VDAC1: variants seen among roughly 807,000 people sequenced by gnomAD.
VDAC1 encodes voltage dependent anion channel 1, also known as non-selective voltage-gated ion channel VDAC1.
A neutral mutation model predicts 34.7 loss-of-function variants in VDAC1; 10 were observed. The observed-to-expected ratio is 0.29, with a 90% CI of 0.18 to 0.49. The LOEUF is 0.49. Ranked by LOEUF, VDAC1 falls within the 20% of genes least tolerant of loss-of-function variation. The pLI is 0.99. For missense variants in VDAC1, 230 were observed against 347.9 expected, an observed-to-expected ratio of 0.66 and a Z score of 2.69; for synonymous variants, 130 against 136.0, an observed-to-expected ratio of 0.96 and a Z score of 0.30.
the VDAC1 span, among the ~76,000 whole-genome samples, chr5:134,041,474 C>A: frequency 1.3e-5 from 2 of 152,194 alleles, no homozygotes; most frequent in South Asian, 2.1e-4. Flanking sequence ...GGCCAACGTC[C>A]TAGCAGAATA....
At chr5:134,036,644 A>C in the VDAC1 span, among the ~76,000 whole-genome samples, 143 of 143,410 alleles carry the variant, frequency 1.0e-3, no homozygotes, top group East Asian at 0.014. Context: ...TGACAGAGCA[A>C]GACACTGTCT....
intron 1 of VDAC1, among the ~76,000 whole-genome samples, chr5:134,000,184 G>A (rs1328325816): frequency 1.3e-5 from 2 of 152,188 alleles, no homozygotes; most frequent in Non-Finnish European, 1.5e-5. Context: ...AACAGTTCCT[G>A]GTTCAAGCTC....
At chr5:134,046,610 G>A in the VDAC1 span, among the ~76,000 whole-genome samples, 1 of 152,228 alleles carries the variant, frequency 6.6e-6, no homozygotes, top group Non-Finnish European at 1.5e-5. Context: ...TACCACACCA[G>A]AAATGGAGGA....
the VDAC1 span, among the ~76,000 whole-genome samples, chr5:134,109,177 C>T: frequency 6.6e-6 from 1 of 152,142 alleles, no homozygotes; most frequent in African/African-American, 2.4e-5. Context: ...TTCTGAGCAC[C>T]GCAGGTTGCC....
chr5:134,024,423 G>A, the VDAC1 span, among the ~76,000 whole-genome samples: 7 of 151,252 alleles, frequency 4.6e-5, no homozygotes, highest in Non-Finnish European at 1.0e-4. Context: ...CAGCTACTTG[G>A]GAGGCCGAAG....
the VDAC1 span, among the ~76,000 whole-genome samples, chr5:134,021,096 G>A: frequency 6.6e-6 from 1 of 152,024 alleles, no homozygotes; most frequent in Non-Finnish European, 1.5e-5. Context: ...TGAGCCCTGG[G>A]AGGATCACCT....
At chr5:134,024,601 T>TA in the VDAC1 span, among the ~76,000 whole-genome samples, 1,455 of 138,382 alleles carry the variant, frequency 0.011, 22 homozygotes, top group Middle Eastern at 0.037. Context: ...GATAGAAACT[T>TA]AAAAAAAAAA....
chr5:134,079,163 G>C, the VDAC1 span, among the ~76,000 whole-genome samples: 1 of 151,708 alleles, frequency 6.6e-6, no homozygotes, highest in African/African-American at 2.4e-5. Context: ...TCTTTTTGTA[G>C]AGTCCAGGTC....
chr5:133,981,050 G>A (rs945944907), intron 5 of VDAC1, 94 bp from the exon 6 acceptor site: 28 of 1,087,894 alleles, frequency 2.6e-5, no homozygotes, highest in Non-Finnish European at 3.4e-5. Flanking sequence ...TCAAATAAAG[G>A]GAGTGGGGTG....
chr5:133,980,634 T>TAAAAA (rs55708320), intron 6 of VDAC1, 95 bp downstream of exon 6: 430 of 586,052 alleles, frequency 7.3e-4, no homozygotes, highest in East Asian at 3.3e-3. Flanking sequence ...TGGGCTTTCT[T>TAAAAA]AAAAAAAAAA....
chr5:134,087,181 G>A, the VDAC1 span, among the ~76,000 whole-genome samples: 1 of 152,112 alleles, frequency 6.6e-6, no homozygotes, highest in African/African-American at 2.4e-5. Flanking sequence ...GTGGTTGTGG[G>A]TGCCGTTTCA....
chr5:134,046,105 A>C, the VDAC1 span, among the ~76,000 whole-genome samples: 1 of 150,748 alleles, frequency 6.6e-6, no homozygotes, highest in Admixed American at 6.6e-5. Context: ...GGCTCACTGC[A>C]AGCTCCGCCT....
chr5:134,092,182 C>T, the VDAC1 span, among the ~76,000 whole-genome samples: 1 of 152,160 alleles, frequency 6.6e-6, no homozygotes, highest in Non-Finnish European at 1.5e-5. Flanking sequence ...AAATCCTGTG[C>T]CCCTAACTTC....
chr5:134,103,762 G>A, the VDAC1 span, among the ~76,000 whole-genome samples: 11 of 152,350 alleles, frequency 7.2e-5, no homozygotes, highest in African/African-American at 1.9e-4. Context: ...CCACACAAGC[G>A]TGAGTAGTTC....
chr5:134,011,076 T>G, the VDAC1 span, among the ~76,000 whole-genome samples: 1 of 152,068 alleles, frequency 6.6e-6, no homozygotes, highest in East Asian at 1.9e-4. Context: ...AGATGATGAT[T>G]AGTGATGATG....
In VDAC1 at chr5:133,999,179, T is replaced by C. The variant is rs889238194; in HGVS notation, c.-7+5716A>G. 7.2e-5 allele frequency among the ~76,000 whole-genome samples: 11 copies of C among 151,966 alleles called. No homozygotes were observed. In the East Asian group the frequency reaches 2.1e-3, roughly 29 times the overall value. On this transcript the variant is annotated intron_variant, in intron 1 of 8. Transcript: ENST00000265333. ...AAAAATAAAAAGAAATAAATAGTAA[T>C]AATAGAAGGATTCAGGCAGATGAGC...
At chr5:134,093,805 G>A in the VDAC1 span, among the ~76,000 whole-genome samples, 1 of 152,182 alleles carries the variant, frequency 6.6e-6, no homozygotes, top group Non-Finnish European at 1.5e-5. Flanking sequence ...ACTCTCTGCT[G>A]CCCAGAGGAC....
At chr5:134,026,803 C>G in the VDAC1 span, among the ~76,000 whole-genome samples, 1 of 152,190 alleles carries the variant, frequency 6.6e-6, no homozygotes. Flanking sequence ...CTGCATGGAT[C>G]TGCACAAAGG....
chr5:134,039,918 C>G, the VDAC1 span, among the ~76,000 whole-genome samples: 3 of 152,114 alleles, frequency 2.0e-5, no homozygotes, highest in African/African-American at 7.2e-5. Flanking sequence ...CTCCTGCAGT[C>G]TGGAACGCAG....
Sources: gnomAD v4.1 joint callset for allele counts (sites outside exome capture counted in the v4.1 genomes callset) on GRCh38, gnomAD v4.1.1 for gene constraint, MANE v1.5 for transcripts, NCBI Gene and HGNC (gene_info 2026-07-23, HGNC 2026-07-21) for gene names.